The following ARMC12 variants were observed in gnomAD, a reference collection of about 807,000 sequenced individuals.
The protein encoded by ARMC12 is armadillo repeat-containing protein 12.
ARMC12 carries 25 observed loss-of-function variants against 37.4 expected under a neutral mutation model. That is an observed-to-expected ratio of 0.67 (90% CI 0.49 to 0.93). The LOEUF (loss-of-function observed/expected upper bound fraction) is 0.93. Ranked by LOEUF, ARMC12 falls within the 40% of genes least tolerant of loss-of-function variation. ARMC12 has a pLI of 0.00. For synonymous variants in ARMC12, 167 were observed against 176.1 expected, an observed-to-expected ratio of 0.95 and a Z score of 0.41; for missense variants, 384 against 426.6, an observed-to-expected ratio of 0.90 and a Z score of 0.88.
chr6:35,738,960 C>T (rs984268313), intron 3 of ARMC12, among the ~76,000 whole-genome samples: 13 of 152,150 alleles, frequency 8.5e-5, no homozygotes, highest in African/African-American at 2.7e-4. Context: ...GCTATGAATT[C>T]GGGGGTTCCC....
upstream of ARMC12, among the ~76,000 whole-genome samples, chr6:35,733,519 GTTTGT>G (rs1375206848): frequency 6.6e-6 from 1 of 152,116 alleles, no homozygotes; most frequent in East Asian, 1.9e-4. Flanking sequence ...AAACTGGTTT[GTTTGT>G]TTTGAGATGG....
intron 3 of ARMC12, among the ~76,000 whole-genome samples, chr6:35,743,988 G>A (rs1767257451): frequency 6.6e-6 from 1 of 151,944 alleles, no homozygotes; most frequent in Non-Finnish European, 1.5e-5. Flanking sequence ...CTTTTGAGAT[G>A]TTGGGCTTGG....
chr6:35,748,965 T>TC lies in ARMC12; in HGVS notation c.*95_*96insC. 1 of 1,263,226 alleles carries TC rather than the reference T, an allele frequency of 7.9e-7. No individual in the cohort carries two copies. The highest frequency in any genetic ancestry group is 1.1e-6 in the Non-Finnish European group (1 of 925,122). 78.3% of individuals were successfully genotyped at this position (1,263,226 alleles called of 1,614,324 possible). ...GTGGCCTTCCAGGGCTGGGTGGAGA[T>TC]TTCATTCAGCATAACCTCTGCTCCA... On this transcript the variant is annotated 3_prime_UTR_variant, in exon 6 of 6. Coordinates refer to ENST00000373866, the MANE Select transcript of ARMC12 (RefSeq NM_001286574.2).
In ARMC12 at chr6:35,738,283, CGGT is replaced by C. The variant is rs1554141427; in HGVS notation, c.310-98_310-96del. 4.3e-3 allele frequency: 2,458 copies of C among 568,944 alleles called. 26 individuals carry two copies. The highest frequency in any genetic ancestry group is 5.7e-3 in the South Asian group (185 of 32,312). 35.2% of individuals were successfully genotyped at this position (568,944 alleles called of 1,614,324 possible). A position where few individuals can be genotyped will look rare whatever the true frequency, so the allele number is the denominator to read the frequency against. On this transcript the variant is annotated intron_variant, in intron 2 of 5. Transcript: ENST00000373866. ...CCTGGGACCTCTCTCTGGCTGATAGCGGTGGGGGGGGGGTGTGCGGAGGGATCT... is the reference window on the plus strand; with the variant it reads ...CCTGGGACCTCTCTCTGGCTGATAGCGGGGGGGGGGTGTGCGGAGGGATCT...
chr6:35,746,222 T>TA (rs1177552241), intron 3 of ARMC12, among the ~76,000 whole-genome samples: 1 of 151,826 alleles, frequency 6.6e-6, no homozygotes, highest in Non-Finnish European at 1.5e-5. Flanking sequence ...AATGAAGTCT[T>TA]AAAGGAGGTG....
upstream of ARMC12, chr6:35,737,013 C>G (rs552190358): frequency 1.6e-5 from 24 of 1,548,050 alleles, no homozygotes; most frequent in East Asian, 5.2e-4. Flanking sequence ...ATTCTGGTAC[C>G]CTGGTTCCTG....
chr6:35,747,670 G>A (rs1767384481), intron 5 of ARMC12, 23 bp downstream of exon 5: 1 of 1,607,562 alleles, frequency 6.2e-7, no homozygotes, highest in Non-Finnish European at 8.5e-7. Flanking sequence ...TTGAAGAGGG[G>A]CTGATGAATG....
At position 35,747,284 on chromosome 6, in the gene ARMC12, A is replaced by C; in HGVS notation, c.468A>C (p.Glu156Asp). ...AGGAACACTCCATCAAAGTACTCGA[A>C]CTGATCTCCACCATCTGGGACACGG... is the stretch of plus-strand genomic sequence containing the variant. ...KIQEHSIKVL[E>D]LISTIWDTEL... Residue 156 changes from glutamate to aspartate, a missense_variant, in exon 4 of 6, where the codon GAA becomes GAC. Glu to Asp is a conservative substitution (Grantham distance 45). Coordinates refer to ENST00000373866, the MANE Select transcript of ARMC12 (RefSeq NM_001286574.2). 6.2e-7 allele frequency: 1 copy of C among 1,612,626 alleles called. No individual in the cohort carries two copies.
rs1590601 is a variant in ARMC12 at position 35,739,055 on chromosome 6, A to G, written c.444+537A>G. 7.9e-4 allele frequency among the ~76,000 whole-genome samples: 120 copies of G among 151,986 alleles called. 2 individuals are homozygous for G. The East Asian group carries it at 0.017, about 21-fold the overall frequency. On this transcript the variant is annotated intron_variant, in intron 3 of 5. Transcript: ENST00000373866. Reference sequence around the variant, plus strand: ...CTTTACTTACTATTACTGGTTTTTTATATAAAGGACACAACTCAGGAACAG... The same window carrying G: ...CTTTACTTACTATTACTGGTTTTTTGTATAAAGGACACAACTCAGGAACAG...
Position 35,738,373 on chromosome 6 carries a change from C to T in ARMC12, c.310-11C>T, listed in dbSNP as rs1304848059. On this transcript the variant is annotated splice_polypyrimidine_tract_variant and intron_variant, in intron 2 of 5. Transcript: ENST00000373866. ...TTCTCCTGCCTCTTCCATCTCTCCC[C>T]AATACTCCAGGCCTCTGCTTGTACT... The T allele has an allele frequency of 6.2e-7, 1 of 1,613,230 alleles. No individual in the cohort carries two copies. The highest frequency in any genetic ancestry group is 8.5e-7 in the Non-Finnish European group (1 of 1,179,728).
chr6:35,747,251 C>G lies in ARMC12; in HGVS notation c.445-10C>G. Reference sequence around the variant, plus strand: ...GTAAAAGTAAGCCCTTTTGTTCTCCCCCACTCCAGGAACACTCCATCAAAG... The same window carrying G: ...GTAAAAGTAAGCCCTTTTGTTCTCCGCCACTCCAGGAACACTCCATCAAAG... On this transcript the variant is annotated splice_polypyrimidine_tract_variant and intron_variant, in intron 3 of 5. Transcript: ENST00000373866. The G allele has an allele frequency of 6.2e-7, 1 of 1,608,418 alleles. No homozygotes were observed. Among genetic ancestry groups the G allele is most frequent in the Non-Finnish European group, 8.5e-7 (1 of 1,177,326 alleles).
chr6:35,740,939 G>A (rs1436305167), intron 3 of ARMC12, among the ~76,000 whole-genome samples: 11 of 135,062 alleles, frequency 8.1e-5, no homozygotes, highest in African/African-American at 2.9e-4. Context: ...TCGTTCTGTC[G>A]CCCAGGCTGG....
At chr6:35,738,290 G>GT in intron 2 of ARMC12, 94 bp from the exon 3 acceptor site, 1 of 1,433,722 alleles carries the variant, frequency 7.0e-7, no homozygotes, top group Non-Finnish European at 9.4e-7. Context: ...TAGCGGTGGG[G>GT]GGGGGGTGTG....
chr6:35,741,370 G>A (rs147718171), intron 3 of ARMC12, among the ~76,000 whole-genome samples: 3 of 152,078 alleles, frequency 2.0e-5, no homozygotes, highest in East Asian at 1.9e-4. Flanking sequence ...AGCCCTGCAC[G>A]AGTGTTCTAT....
chr6:35,748,439 A>G (rs1767404373), intron 5 of ARMC12, 99 bp from the exon 6 acceptor site: 1 of 981,498 alleles, frequency 1.0e-6, no homozygotes, highest in African/African-American at 1.7e-5. Context: ...TCTGAAATTT[A>G]GGTATATTTG....
intron 2 of ARMC12, 89 bp from the exon 3 acceptor site, chr6:35,738,295 G>C (rs573924585): frequency 7.1e-7 from 1 of 1,414,992 alleles, no homozygotes; most frequent in South Asian, 1.3e-5. Context: ...GTGGGGGGGG[G>C]GTGTGCGGAG....
At chr6:35,738,744 A>G (rs1767074109) in intron 3 of ARMC12, among the ~76,000 whole-genome samples, 2 of 152,152 alleles carry the variant, frequency 1.3e-5, no homozygotes, top group Non-Finnish European at 2.9e-5. Context: ...AACCCCAAAG[A>G]GAAGGACCCC....
At chr6:35,740,443 C>T (rs1052217590) in intron 3 of ARMC12, among the ~76,000 whole-genome samples, 1 of 152,178 alleles carries the variant, frequency 6.6e-6, no homozygotes, top group Non-Finnish European at 1.5e-5. Flanking sequence ...CCCCTCCCAT[C>T]TTACAAAGCA....
chr6:35,738,288 G>GGGA (rs1554141444), intron 2 of ARMC12, 96 bp from the exon 3 acceptor site: 7 of 1,400,782 alleles, frequency 5.0e-6, no homozygotes, highest in Non-Finnish European at 4.8e-6. Flanking sequence ...GATAGCGGTG[G>GGGA]GGGGGGGGTG....
Sources: allele counts gnomAD v4.1 joint callset (sites outside exome capture counted in the v4.1 genomes callset), GRCh38; gene constraint gnomAD v4.1.1; transcripts MANE v1.5; gene names NCBI Gene and HGNC (gene_info 2026-07-23, HGNC 2026-07-21).